Variants in HPCAL1 observed in about 807,000 individuals in gnomAD.
HPCAL1 encodes the protein hippocalcin-like protein 1.
In HPCAL1, 8 loss-of-function variants were observed where a neutral mutation model predicts 17.1. The observed-to-expected ratio is 0.47, with a 90% CI of 0.27 to 0.84. The LOEUF is 0.84. Among genes scored for constraint, HPCAL1 ranks in the 40% least tolerant of loss-of-function variants. The pLI is 0.13. For missense variants in HPCAL1, 165 were observed against 271.1 expected (o/e 0.61, Z 2.75); for synonymous variants, 112 against 111.4 (o/e 1.01, Z -0.03).
intron 2 of HPCAL1, among the ~76,000 whole-genome samples, chr2:10,413,708 G>T (rs1172829872): frequency 6.6e-6 from 1 of 152,252 alleles, no homozygotes; most frequent in Non-Finnish European, 1.5e-5. Context: ...ACGCATCTGT[G>T]ATTTCAGGCA....
chr2:10,365,604 C>T lies in HPCAL1; in HGVS notation c.-110-31231C>T, dbSNP rs777854340. ...CCTGGCGTTATGATGTCCCGCCCAA[C>T]CCCCGACCGCACACCTCCCTCCCCC... On this transcript the variant is annotated intron_variant, in intron 1 of 4. Coordinates refer to ENST00000307845, the MANE Select transcript of HPCAL1 (RefSeq NM_002149.4). This position sits in a 1 kb window ranked among gnomAD's most constrained non-coding sequence, Gnocchi z 4.8. 2.6e-5 allele frequency among the ~76,000 whole-genome samples: 4 copies of T among 151,920 alleles called. No homozygotes were observed. Among genetic ancestry groups the T allele is most frequent in the Non-Finnish European group, 5.9e-5 (4 of 67,970 alleles).
Position 10,424,427 on chromosome 2 carries a change from G to C in HPCAL1, c.484+1339G>C, listed in dbSNP as rs566820784. 7.6e-5 allele frequency: 35 copies of C among 458,766 alleles called. 2 individuals are homozygous for C. Among genetic ancestry groups the C allele is most frequent in the South Asian group, 5.2e-4 (33 of 63,958 alleles). The allele number at this position is 458,766 out of a possible 1,614,324, so 28.4% of individuals were successfully genotyped here. Reference sequence around the variant, plus strand: ...CGCTCCTCGTGGGGATGGTGAATCCGGTCCCATGGGGTTGTGAGGTTTCAG... The same window carrying C: ...CGCTCCTCGTGGGGATGGTGAATCCCGTCCCATGGGGTTGTGAGGTTTCAG... On this transcript the variant is annotated intron_variant, in intron 4 of 4. Transcript: ENST00000307845.
At chr2:10,369,043 G>A (rs1277002787) in intron 1 of HPCAL1, 1 of 152,164 alleles carries the variant, frequency 6.6e-6, no homozygotes, top group Non-Finnish European at 1.5e-5. Flanking sequence ...CTGTGACTGG[G>A]GGAAGCCTGA....
intron 1 of HPCAL1, among the ~76,000 whole-genome samples, chr2:10,383,898 C>T (rs946745464): frequency 5.9e-5 from 9 of 151,980 alleles, no homozygotes; most frequent in Admixed American, 1.3e-4. Flanking sequence ...CTCAACTCCC[C>T]AGTTGTAATA....
At chr2:10,318,962 G>A (rs1159759712) in intron 1 of HPCAL1, among the ~76,000 whole-genome samples, 1 of 152,164 alleles carries the variant, frequency 6.6e-6, no homozygotes, top group African/African-American at 2.4e-5. Flanking sequence ...GCCTTGTAGC[G>A]TCTATATCCT....
At chr2:10,409,796 T>C (rs1240834811) in intron 2 of HPCAL1, among the ~76,000 whole-genome samples, 1 of 138,126 alleles carries the variant, frequency 7.2e-6, no homozygotes, top group African/African-American at 2.8e-5. Context: ...TTTTTTTTTT[T>C]TTTTTTTTTT....
At position 10,395,546 on chromosome 2, in the gene HPCAL1, G is replaced by T. The variant is rs552948103; in HGVS notation, c.-110-1289G>T. ...GCGAGGGGAGCCCCGCTGGCACGCCGCACTGTGCTGAGGCTGGGTGTTCTA... is the reference window on the plus strand; with the variant it reads ...GCGAGGGGAGCCCCGCTGGCACGCCTCACTGTGCTGAGGCTGGGTGTTCTA... On this transcript the variant is annotated intron_variant, in intron 1 of 4. Coordinates refer to ENST00000307845, the MANE Select transcript of HPCAL1 (RefSeq NM_002149.4). The surrounding 1 kb of genome is among the most constrained non-coding windows in gnomAD (Gnocchi z 4.4). Among the ~76,000 whole-genome samples the T allele has an allele frequency of 6.6e-6, 1 of 152,224 alleles. No homozygotes were observed. The highest frequency in any genetic ancestry group is 2.4e-5 in the African/African-American group (1 of 41,456).
chr2:10,335,451 A>G (rs1166810806), intron 1 of HPCAL1, among the ~76,000 whole-genome samples: 4 of 152,226 alleles, frequency 2.6e-5, no homozygotes, highest in African/African-American at 9.6e-5. Context: ...CCTTCGGATG[A>G]GACTGCTGCC....
At chr2:10,336,097 G>A (rs1479238606) in intron 1 of HPCAL1, among the ~76,000 whole-genome samples, 26 of 142,028 alleles carry the variant, frequency 1.8e-4, no homozygotes, top group African/African-American at 4.2e-4. Flanking sequence ...TTGCATGTGC[G>A]TATCTTCTGC....
At chr2:10,374,796 G>T (rs890617419) in intron 1 of HPCAL1, among the ~76,000 whole-genome samples, 2 of 152,252 alleles carry the variant, frequency 1.3e-5, no homozygotes, top group African/African-American at 4.8e-5. Context: ...GGCCCTGCCT[G>T]TAATCTTATC....
At chr2:10,308,579 C>T (rs1457184885) in intron 1 of HPCAL1, among the ~76,000 whole-genome samples, 1 of 152,162 alleles carries the variant, frequency 6.6e-6, no homozygotes, top group Admixed American at 6.5e-5. Context: ...ATTTATCCCC[C>T]AGCACCGACG....
intron 2 of HPCAL1, among the ~76,000 whole-genome samples, chr2:10,412,990 C>T (rs1429796437): frequency 6.6e-6 from 1 of 152,238 alleles, no homozygotes; most frequent in Non-Finnish European, 1.5e-5. Flanking sequence ...TGGGTCCCTA[C>T]ACTCTTCTGC....
chr2:10,317,766 G>A (rs1443506081), intron 1 of HPCAL1, among the ~76,000 whole-genome samples: 1 of 152,224 alleles, frequency 6.6e-6, no homozygotes, highest in Non-Finnish European at 1.5e-5. Flanking sequence ...GGGCACTGGG[G>A]ATGCAAGATA....
At chr2:10,410,724 T>C (rs1324718167) in intron 2 of HPCAL1, among the ~76,000 whole-genome samples, 1 of 152,054 alleles carries the variant, frequency 6.6e-6, no homozygotes, top group African/African-American at 2.4e-5. Context: ...TCCTTGGAGA[T>C]GAAAGACTTC....
chr2:10,427,484 T>C lies in HPCAL1; in HGVS notation c.*663T>C, dbSNP rs963055751. ...CTTTGTCTGCCTGTTTCTAAGGAAA[T>C]GCATGTGTGCCCTGAGCCGTGATGA... is the stretch of plus-strand genomic sequence containing the variant. On this transcript the variant is annotated 3_prime_UTR_variant, in exon 5 of 5. Transcript: ENST00000307845. The C allele has an allele frequency of 3.3e-5, 5 of 152,356 alleles. No individual in the cohort carries two copies. The highest frequency in any genetic ancestry group is 4.8e-5 in the African/African-American group (2 of 41,452). The allele number at this position is 152,356 out of a possible 1,614,324, so 9.4% of individuals were successfully genotyped here.
Position 10,359,605 on chromosome 2 carries a change from G to A in HPCAL1, c.-110-37230G>A, listed in dbSNP as rs944681428. Among the ~76,000 whole-genome samples, 2 of 152,298 alleles carry A rather than the reference G, an allele frequency of 1.3e-5. No homozygotes were observed. The highest frequency in any genetic ancestry group is 1.3e-4 in the Admixed American group (2 of 15,302). ...GGGCTCTGGCCTCATTGAGGGCCTGGAACTCTTTAGAGCCCATCAGGACCA... is the reference window on the plus strand; with the variant it reads ...GGGCTCTGGCCTCATTGAGGGCCTGAAACTCTTTAGAGCCCATCAGGACCA... On this transcript the variant is annotated intron_variant, in intron 1 of 4. Transcript: ENST00000307845. The surrounding 1 kb of genome is among the most constrained non-coding windows in gnomAD (Gnocchi z 4.1).
intron 2 of HPCAL1, among the ~76,000 whole-genome samples, chr2:10,409,789 T>TC (rs1670223589): frequency 7.6e-6 from 1 of 131,666 alleles, no homozygotes; most frequent in East Asian, 2.2e-4. Context: ...TTTTTTTTTT[T>TC]TTTTTTTTTT....
At chr2:10,303,328 C>T (rs1237643292) in intron 1 of HPCAL1, among the ~76,000 whole-genome samples, 151 bp downstream of exon 1, 2 of 152,136 alleles carry the variant, frequency 1.3e-5, no homozygotes, top group Non-Finnish European at 2.9e-5. Context: ...CGTTTCTCTG[C>T]GCGGTGGAGT....
At chr2:10,401,909 T>G (rs774418438) in intron 2 of HPCAL1, among the ~76,000 whole-genome samples, 1 of 152,264 alleles carries the variant, frequency 6.6e-6, no homozygotes, top group African/African-American at 2.4e-5. Flanking sequence ...GTTGTTGTTG[T>G]TTTTGTTTTT....
Sources: allele counts gnomAD v4.1 joint callset (sites outside exome capture counted in the v4.1 genomes callset), GRCh38; gene constraint gnomAD v4.1.1; non-coding constraint Gnocchi (gnomAD v3.1); transcripts MANE v1.5; gene names NCBI Gene and HGNC (gene_info 2026-07-23, HGNC 2026-07-21).